The following FGD3 variants were observed in gnomAD, a reference collection of about 807,000 sequenced individuals.
FGD3 encodes FYVE, RhoGEF and PH domain-containing protein 3.
FGD3 carries 45 observed loss-of-function variants against 71.8 expected under a neutral mutation model. The ratio of observed to expected loss-of-function variants is 0.63; its 90% CI spans 0.49 to 0.80. The LOEUF (loss-of-function observed/expected upper bound fraction) is 0.80. FGD3 is among the 30% of genes least tolerant of loss of function. The probability of loss-of-function intolerance (pLI) is 0.00; values close to 1 mark genes in which losing one functional copy is unlikely to be tolerated. For synonymous variants in FGD3, 378 were observed against 392.8 expected (o/e 0.96, Z 0.44); for missense variants, 844 against 951.5 (o/e 0.89, Z 1.49).
Position 93,035,369 on chromosome 9 carries a change from C to A in FGD3, c.1958C>A (p.Pro653His). The change falls in exon 18 of 18, where the codon CCC becomes CAC. Residue 653 changes from proline to histidine, a missense_variant. Physicochemically the swap from Pro to His is moderately conservative, Grantham distance 77. Transcript: ENST00000375482. Reference protein sequence around the residue: ...DGRLPRTIPLPSCKLSVPDPE... With the variant: ...DGRLPRTIPLHSCKLSVPDPE... ...CGGCTGCCCCGCACCATCCCTCTCC[C>A]CAGCTGCAAACTGAGTGTGCCGGAC... 1 of 1,610,884 alleles carries A rather than the reference C, an allele frequency of 6.2e-7. No individual in the cohort carries two copies.
At chr9:92,967,221 C>T (rs1859364790) in intron 1 of FGD3, among the ~76,000 whole-genome samples, 1 of 152,194 alleles carries the variant, frequency 6.6e-6, no homozygotes, top group African/African-American at 2.4e-5. Context: ...CCTTGGCCTC[C>T]CAAAGTGCTG....
At chr9:92,959,184 C>T (rs1031639121) in intron 1 of FGD3, among the ~76,000 whole-genome samples, 2 of 152,158 alleles carry the variant, frequency 1.3e-5, no homozygotes, top group African/African-American at 2.4e-5. Flanking sequence ...TGGTCGTGAA[C>T]TCCTGACCTC....
At chr9:93,021,203 A>G (rs1489731530) in intron 13 of FGD3, among the ~76,000 whole-genome samples, 1 of 152,138 alleles carries the variant, frequency 6.6e-6, no homozygotes, top group Admixed American at 6.5e-5. Flanking sequence ...GTGCCCTGGG[A>G]GATGGTGGCT....
intron 3 of FGD3, among the ~76,000 whole-genome samples, chr9:92,985,640 G>A (rs1860160890): frequency 1.3e-5 from 2 of 151,702 alleles, no homozygotes; most frequent in Non-Finnish European, 2.9e-5. Flanking sequence ...CATCATTCCT[G>A]GCTAATTTTT....
chr9:93,020,409 C>T lies in FGD3; in HGVS notation c.1479C>T (p.Leu493=), dbSNP rs1203176100. 1 of 1,613,402 alleles carries T rather than the reference C, an allele frequency of 6.2e-7. No individual in the cohort carries two copies. The highest frequency in any genetic ancestry group is 8.5e-7 in the Non-Finnish European group (1 of 1,179,864). ...GAFSQDEDPS[L]SPDMPITSTS... is the part of the protein sequence containing the mutation. The stretch of plus-strand genomic sequence containing the variant: ...TCAGCCAGGATGAGGACCCCAGCCT[C>T]TCTCCAGACATGCCTGTGAGTCAGT... Residue 493 remains leucine, a synonymous_variant, in exon 13 of 18, where the codon CTC becomes CTT. Coordinates refer to ENST00000375482, the MANE Select transcript of FGD3 (RefSeq NM_001083536.2).
intron 3 of FGD3, among the ~76,000 whole-genome samples, chr9:92,977,935 A>C (rs778156727): frequency 6.6e-6 from 1 of 152,218 alleles, no homozygotes; most frequent in Admixed American, 6.5e-5. Flanking sequence ...TGGCAATAAG[A>C]TACCAAATTA....
chr9:93,011,332 G>GC (rs34314739), intron 8 of FGD3, 60 bp downstream of exon 8: 1 of 1,594,644 alleles, frequency 6.3e-7, no homozygotes, highest in Non-Finnish European at 8.6e-7. Context: ...AGGGCCAGGG[G>GC]CCCTTGTGGG....
chr9:93,035,791 G>C lies in FGD3; in HGVS notation c.*202G>C. 1.3e-6 allele frequency: 1 copy of C among 749,718 alleles called. No homozygotes were observed. The allele number at this position is 749,718 out of a possible 1,614,324, so 46.4% of individuals were successfully genotyped here. A position where few individuals can be genotyped will look rare whatever the true frequency, so the allele number is the denominator to read the frequency against. On this transcript the variant is annotated 3_prime_UTR_variant, in exon 18 of 18. Transcript: ENST00000375482. ...GCCAAGGGTCACCCAGCAAGTTTTG[G>C]CTAAGAGCCTGGCCTCCAGCCCCAG...
At chr9:92,967,531 C>T (rs1395329241) in intron 1 of FGD3, among the ~76,000 whole-genome samples, 5 of 152,178 alleles carry the variant, frequency 3.3e-5, no homozygotes, top group Non-Finnish European at 2.9e-5. Context: ...GCATAATGTC[C>T]TCAGGGTCCA....
At chr9:93,019,333 C>T (rs927047639) in intron 11 of FGD3, among the ~76,000 whole-genome samples, 1 of 152,186 alleles carries the variant, frequency 6.6e-6, no homozygotes, top group Non-Finnish European at 1.5e-5. Context: ...TTCCCACTGA[C>T]GAGGACCTGC....
chr9:93,032,029 C>T (rs1862375627), intron 15 of FGD3, among the ~76,000 whole-genome samples: 1 of 152,176 alleles, frequency 6.6e-6, no homozygotes, highest in South Asian at 2.1e-4. Flanking sequence ...GGCTAAATTC[C>T]CATGCTCCAC....
chr9:92,953,957 T>A (rs1859004040), intron 1 of FGD3, among the ~76,000 whole-genome samples: 1 of 152,218 alleles, frequency 6.6e-6, no homozygotes, highest in Non-Finnish European at 1.5e-5. Flanking sequence ...TGGGCAATAG[T>A]TCCCGGCTGG....
chr9:92,975,256 A>G lies in FGD3; in HGVS notation c.-199A>G, dbSNP rs74707336. On this transcript the variant is annotated 5_prime_UTR_variant, in exon 2 of 18. Transcript: ENST00000375482. ...TTTTCAGTACCTCCTAAATGGCTCTACTTTGAACCTGCTGGGCAAGGAAGA... is the reference window on the plus strand; with the variant it reads ...TTTTCAGTACCTCCTAAATGGCTCTGCTTTGAACCTGCTGGGCAAGGAAGA... The G allele has an allele frequency of 0.02, 3,000 of 152,372 alleles. 113 individuals carry two copies. The highest frequency in any genetic ancestry group is 0.068 in the African/African-American group (2,815 of 41,532). 9.4% of individuals were successfully genotyped at this position (152,372 alleles called of 1,614,324 possible). A position where few individuals can be genotyped will look rare whatever the true frequency, so the allele number is the denominator to read the frequency against.
At chr9:93,018,972 G>C (rs779325642) in intron 11 of FGD3, among the ~76,000 whole-genome samples, 2 of 151,868 alleles carry the variant, frequency 1.3e-5, no homozygotes, top group African/African-American at 4.8e-5. Context: ...CAGCCTCCTG[G>C]GTAGTTGGGA....
chr9:92,965,554 C>T (rs1053123066), intron 1 of FGD3, among the ~76,000 whole-genome samples: 1 of 152,212 alleles, frequency 6.6e-6, no homozygotes, highest in Non-Finnish European at 1.5e-5. Context: ...CGGAGGTCCA[C>T]GTCTACACAA....
intron 3 of FGD3, among the ~76,000 whole-genome samples, chr9:92,977,478 C>T (rs1422200031): frequency 1.3e-5 from 2 of 152,044 alleles, no homozygotes; most frequent in South Asian, 2.1e-4. Context: ...TAGGTGGGGA[C>T]GTTGCTGGCT....
At chr9:92,997,499 A>G (rs1228505270) in intron 3 of FGD3, among the ~76,000 whole-genome samples, 1 of 152,144 alleles carries the variant, frequency 6.6e-6, no homozygotes, top group East Asian at 1.9e-4. Flanking sequence ...CTTATGTGTG[A>G]ATTTGATCCT....
intron 3 of FGD3, among the ~76,000 whole-genome samples, chr9:92,997,715 T>C (rs529996497): frequency 6.6e-6 from 1 of 152,354 alleles, no homozygotes; most frequent in South Asian, 2.1e-4. Context: ...AAGGATTTTA[T>C]TTCTCCTTCA....
chr9:93,032,635 C>A, intron 15 of FGD3, 134 bp from the exon 16 acceptor site: 1 of 841,786 alleles, frequency 1.2e-6, no homozygotes, highest in Non-Finnish European at 2.0e-6. Context: ...AGCTCTTATC[C>A]CTCGCCACAC....
Sources: allele counts gnomAD v4.1 joint callset (sites outside exome capture counted in the v4.1 genomes callset), GRCh38; gene constraint gnomAD v4.1.1; transcripts MANE v1.5; gene names NCBI Gene and HGNC (gene_info 2026-07-23, HGNC 2026-07-21).